SWAP70: variants seen among roughly 807,000 people sequenced by gnomAD.
SWAP70 encodes switch-associated protein 70.
A neutral mutation model predicts 80.2 loss-of-function variants in SWAP70; 34 were observed. The observed-to-expected ratio is 0.42, with a 90% CI of 0.32 to 0.56. The LOEUF is 0.56. SWAP70 is among the 20% of genes least tolerant of loss of function. The probability of loss-of-function intolerance (pLI) is 0.09; values close to 1 mark genes in which losing one functional copy is unlikely to be tolerated. For synonymous variants in SWAP70, 239 were observed against 238.5 expected (o/e 1.00, Z -0.02); for missense variants, 578 against 690.7 (o/e 0.84, Z 1.83).
chr11:9,671,907 TATA>T (rs1031088809), intron 1 of SWAP70, among the ~76,000 whole-genome samples: 15 of 109,240 alleles, frequency 1.4e-4, no homozygotes, highest in Middle Eastern at 0.013. Context: ...AATTATTAAA[TATA>T]ATAATTATAA....
chr11:9,729,672 TTAG>T lies in SWAP70; in HGVS notation c.898+225_898+227del, dbSNP rs574925892. On this transcript the variant is annotated intron_variant, in intron 6 of 11. Coordinates refer to ENST00000318950, the MANE Select transcript of SWAP70 (RefSeq NM_015055.4). Reference sequence around the variant, plus strand: ...ACGCCCAGCTAATGTTTTTGTAATTTTAGTAGAGACGGGGTTTCACCATGTTGG... The same window carrying T: ...ACGCCCAGCTAATGTTTTTGTAATTTTAGAGACGGGGTTTCACCATGTTGG... Among the ~76,000 whole-genome samples, 1,182 of 152,244 alleles carry T rather than the reference TTAG, an allele frequency of 7.8e-3. 12 individuals carry two copies. Among genetic ancestry groups the T allele is most frequent in the African/African-American group, 0.027 (1,113 of 41,534 alleles).
intron 3 of SWAP70, among the ~76,000 whole-genome samples, chr11:9,718,527 C>A (rs1851093889): frequency 6.6e-6 from 1 of 152,282 alleles, no homozygotes; most frequent in East Asian, 1.9e-4. Flanking sequence ...TGCTTCCTTT[C>A]TGAATAATAA....
chr11:9,732,217 C>T (rs780798574), intron 6 of SWAP70, among the ~76,000 whole-genome samples: 3 of 152,082 alleles, frequency 2.0e-5, no homozygotes, highest in Non-Finnish European at 4.4e-5. Flanking sequence ...ATTCCCAGAT[C>T]GAGTGTTTCT....
intron 9 of SWAP70, among the ~76,000 whole-genome samples, chr11:9,746,244 C>T (rs751624546): frequency 2.0e-5 from 3 of 152,114 alleles, no homozygotes; most frequent in South Asian, 4.1e-4. Flanking sequence ...GATTCTATAG[C>T]GGGAAATGAG....
At chr11:9,711,177 C>A (rs1177740148) in intron 2 of SWAP70, among the ~76,000 whole-genome samples, 1 of 152,054 alleles carries the variant, frequency 6.6e-6, no homozygotes, top group East Asian at 1.9e-4. Flanking sequence ...TTGCATCAGC[C>A]TCCCATAGTG....
chr11:9,746,157 C>T (rs1378123485), intron 9 of SWAP70, among the ~76,000 whole-genome samples: 1 of 152,212 alleles, frequency 6.6e-6, no homozygotes, highest in Admixed American at 6.5e-5. Flanking sequence ...GAAGGAGCAT[C>T]TACATAGCCA....
intron 2 of SWAP70, among the ~76,000 whole-genome samples, chr11:9,695,536 C>T (rs34063054): frequency 0.21 from 32,203 of 150,120 alleles, 4,492 homozygotes; most frequent in Non-Finnish European, 0.31. Flanking sequence ...AACCAGACAC[C>T]ACGTGTTCTC....
intron 2 of SWAP70, among the ~76,000 whole-genome samples, chr11:9,696,912 T>G (rs993682973): frequency 1.3e-5 from 2 of 152,140 alleles, no homozygotes; most frequent in African/African-American, 4.8e-5. Context: ...ACTTTCGAAT[T>G]AAAAGTAAAA....
Position 9,729,333 on chromosome 11 carries a change from T to G in SWAP70, c.790-10T>G. 1 of 1,576,538 alleles carries G rather than the reference T, an allele frequency of 6.3e-7. No individual in the cohort carries two copies. Among genetic ancestry groups the G allele is most frequent in the East Asian group, 2.2e-5 (1 of 44,674 alleles). The stretch of plus-strand genomic sequence containing the variant: ...AAATTTTGAGGAACTAATTTTGCTT[T>G]CTGTTTTAGTCCTTGCCTGACAAAG... On this transcript the variant is annotated splice_polypyrimidine_tract_variant and intron_variant, in intron 5 of 11. Transcript: ENST00000318950.
intron 1 of SWAP70, among the ~76,000 whole-genome samples, chr11:9,664,756 G>C (rs542940319): frequency 3.9e-5 from 6 of 152,242 alleles, no homozygotes; most frequent in Admixed American, 1.3e-4. Flanking sequence ...AAAACGGCTA[G>C]CTGCCCCGGA....
At chr11:9,743,134 G>A (rs1434700796) in intron 9 of SWAP70, among the ~76,000 whole-genome samples, 1 of 145,976 alleles carries the variant, frequency 6.9e-6, no homozygotes, top group African/African-American at 2.6e-5. Context: ...CCACCTATGA[G>A]TGAGAATATG....
chr11:9,696,445 T>A (rs1850758022), intron 2 of SWAP70, among the ~76,000 whole-genome samples: 1 of 152,180 alleles, frequency 6.6e-6, no homozygotes, highest in Admixed American at 6.5e-5. Context: ...TAACCAGTGT[T>A]AATAATTTAG....
chr11:9,675,133 A>G (rs1227505311), intron 1 of SWAP70, among the ~76,000 whole-genome samples: 1 of 152,056 alleles, frequency 6.6e-6, no homozygotes, highest in Non-Finnish European at 1.5e-5. Flanking sequence ...CAAGAAATTT[A>G]AAAAGTTAGA....
At chr11:9,729,504 C>G (rs1851268339) in intron 6 of SWAP70, 53 bp downstream of exon 6, 12 of 1,245,858 alleles carry the variant, frequency 9.6e-6, no homozygotes, top group South Asian at 1.4e-5. Context: ...CTCTGACTTT[C>G]TTTTTTTTTT....
chr11:9,717,576 C>A (rs1181572509), intron 3 of SWAP70, among the ~76,000 whole-genome samples: 2 of 150,744 alleles, frequency 1.3e-5, no homozygotes, highest in African/African-American at 4.9e-5. Context: ...GTGGTTTGAG[C>A]CTGGGAGGTG....
chr11:9,721,800 G>C (rs1209084911), intron 3 of SWAP70, among the ~76,000 whole-genome samples: 1 of 151,922 alleles, frequency 6.6e-6, no homozygotes, highest in African/African-American at 2.4e-5. Context: ...GTGATATTTT[G>C]TGAATATATA....
Position 9,664,148 on chromosome 11 carries a change from G to C in SWAP70, c.-32G>C. 6.5e-7 allele frequency: 1 copy of C among 1,547,040 alleles called. No homozygotes were observed. Among genetic ancestry groups the C allele is most frequent in the Non-Finnish European group, 8.7e-7 (1 of 1,147,928 alleles). ...GAGGCGCGGAGGGGCTGGCTGGGCA[G>C]GAGGGGTTGGCGGGGCAGCAGGGCC... is the stretch of plus-strand genomic sequence containing the variant. On this transcript the variant is annotated 5_prime_UTR_variant, in exon 1 of 12. Coordinates refer to ENST00000318950, the MANE Select transcript of SWAP70 (RefSeq NM_015055.4).
At chr11:9,694,721 T>C (rs1298598091) in intron 2 of SWAP70, among the ~76,000 whole-genome samples, 1 of 152,134 alleles carries the variant, frequency 6.6e-6, no homozygotes, top group Admixed American at 6.5e-5. Context: ...TCAACATCAC[T>C]GATCATCAGA....
Position 9,740,314 on chromosome 11 carries a change from A to G in SWAP70, c.1322A>G (p.Gln441Arg). Residue 441 changes from glutamine (Q) to arginine (R), a missense_variant, in exon 9 of 12, where the codon CAA becomes CGA. Coordinates refer to ENST00000318950, the MANE Select transcript of SWAP70 (RefSeq NM_015055.4). Reference sequence around the variant, plus strand: ...CTTGAAGATGAGAGACAGGCCCGGCAAGATGAAGAGACAGTGCGGAAGCTT... The same window carrying G: ...CTTGAAGATGAGAGACAGGCCCGGCGAGATGAAGAGACAGTGCGGAAGCTT... The part of the protein sequence containing the change: ...EALEDERQAR[Q>R]DEETVRKLQA... The G allele has an allele frequency of 6.2e-7, 1 of 1,614,236 alleles. No homozygotes were observed. The highest frequency in any genetic ancestry group is 8.5e-7 in the Non-Finnish European group (1 of 1,180,024).
Sources: allele counts gnomAD v4.1 joint callset (sites outside exome capture counted in the v4.1 genomes callset), GRCh38; gene constraint gnomAD v4.1.1; transcripts MANE v1.5; gene names NCBI Gene and HGNC (gene_info 2026-07-23, HGNC 2026-07-21).